The following INPP5A variants were observed in gnomAD, a reference collection of about 807,000 sequenced individuals.
The protein encoded by INPP5A is 43 kDa inositol polyphosphate 5-phophatase.
Under a neutral mutation model 65.2 loss-of-function variants are expected in INPP5A, and 14 were observed. The observed-to-expected ratio is 0.21, with a 90% CI of 0.14 to 0.34. The LOEUF is 0.34. INPP5A is among the 10% of genes least tolerant of loss of function. The pLI, the probability that INPP5A is intolerant of heterozygous loss-of-function variation, is 1.00. For synonymous variants in INPP5A, 207 were observed against 208.3 expected, an observed-to-expected ratio of 0.99 and a Z score of 0.05; for missense variants, 431 against 545.6, an observed-to-expected ratio of 0.79 and a Z score of 2.09.
chr10:132,540,283 T>C (rs1291080979), intron 1 of INPP5A, among the ~76,000 whole-genome samples: 1 of 151,036 alleles, frequency 6.6e-6, no homozygotes, highest in African/African-American at 2.4e-5. Context: ...TATTTATCTC[T>C]GTTGATATTA....
chr10:132,757,708 C>T (rs1846651067), intron 11 of INPP5A, among the ~76,000 whole-genome samples: 1 of 152,234 alleles, frequency 6.6e-6, no homozygotes, highest in East Asian at 1.9e-4. Context: ...AGCCGAGCCC[C>T]ACAGCCCGGC....
intron 2 of INPP5A, among the ~76,000 whole-genome samples, chr10:132,615,220 G>T (rs1043323297): frequency 6.6e-6 from 1 of 152,216 alleles, no homozygotes; most frequent in African/African-American, 2.4e-5. Context: ...GTCTCGTGGC[G>T]GCCCGCAGCC....
chr10:132,680,264 C>A (rs903395184), intron 4 of INPP5A, among the ~76,000 whole-genome samples: 4 of 152,170 alleles, frequency 2.6e-5, no homozygotes, highest in Admixed American at 2.6e-4. Context: ...ACAGCAACAA[C>A]AAAAACCAAC....
intron 2 of INPP5A, among the ~76,000 whole-genome samples, chr10:132,631,690 G>A (rs2072275881): frequency 6.6e-6 from 1 of 152,246 alleles, no homozygotes; most frequent in Admixed American, 6.5e-5. Context: ...GGAACCAGGG[G>A]CCCTTCGTGC....
At chr10:132,717,897 A>C (rs56944046) in intron 8 of INPP5A, among the ~76,000 whole-genome samples, 319 of 116,848 alleles carry the variant, frequency 2.7e-3, no homozygotes, top group African/African-American at 0.012. Context: ...GGCTGTCTTC[A>C]GGGTTCTGTG....
At chr10:132,544,476 C>T (rs150862414) in intron 1 of INPP5A, among the ~76,000 whole-genome samples, 126 of 152,156 alleles carry the variant, frequency 8.3e-4, no homozygotes, top group Middle Eastern at 3.4e-3. Context: ...CCCAAGATCT[C>T]GGTGCACTTT....
intron 1 of INPP5A, among the ~76,000 whole-genome samples, chr10:132,561,763 A>C (rs976536595): frequency 1.2e-4 from 12 of 102,570 alleles, no homozygotes; most frequent in East Asian, 3.4e-4. Flanking sequence ...CACACACACA[A>C]CCCTGCTGGA....
intron 9 of INPP5A, among the ~76,000 whole-genome samples, chr10:132,735,277 C>T (rs1846156388): frequency 6.6e-6 from 1 of 152,230 alleles, no homozygotes; most frequent in South Asian, 2.1e-4. Flanking sequence ...GATCTGTGCC[C>T]TCCTCTGGGG....
At chr10:132,766,388 C>G (rs561233976) in intron 12 of INPP5A, among the ~76,000 whole-genome samples, 1 of 152,310 alleles carries the variant, frequency 6.6e-6, no homozygotes, top group East Asian at 1.9e-4. Flanking sequence ...TGTTATGGAT[C>G]TTTCTGGCAA....
At chr10:132,703,956 CA>C (rs1845489215) in intron 6 of INPP5A, among the ~76,000 whole-genome samples, 1 of 137,452 alleles carries the variant, frequency 7.3e-6, no homozygotes, top group Non-Finnish European at 1.6e-5. Flanking sequence ...CGCGGCTTCA[CA>C]CACACATGCC....
chr10:132,645,877 A>G lies in INPP5A; in HGVS notation c.127A>G (p.Thr43Ala), dbSNP rs748361306. The change falls in exon 3 of 16, where the codon ACA becomes GCA. Residue 43 changes from threonine (T) to alanine (A), a missense_variant. Physicochemically the swap from Thr to Ala is moderately conservative, Grantham distance 58. Coordinates refer to ENST00000368594, the MANE Select transcript of INPP5A (RefSeq NM_005539.5). ...WLREFYQVVH[T>A]HKPHFMALHC... is the part of the protein sequence containing the mutation. ...GCTTCTCTCCCTCCAGGTCGTGCAC[A>G]CACACAAGCCGCACTTCATGGCCTT... 3.1e-6 allele frequency: 5 copies of G among 1,613,442 alleles called. No individual in the cohort carries two copies. Among genetic ancestry groups the G allele is most frequent in the Non-Finnish European group, 3.4e-6 (4 of 1,179,684 alleles).
rs1030025628 is a variant in INPP5A, at chr10:132,644,221, C to T, written c.118-1647C>T. Among the ~76,000 whole-genome samples, 14 of 152,208 alleles carry T rather than the reference C, an allele frequency of 9.2e-5. No homozygotes were observed. Among genetic ancestry groups the T allele is most frequent in the Non-Finnish European group, 1.3e-4 (9 of 68,028 alleles). On this transcript the variant is annotated intron_variant, in intron 2 of 15. Transcript: ENST00000368594. This position sits in a 1 kb window ranked among gnomAD's most constrained non-coding sequence, Gnocchi z 6.5. Reference sequence around the variant, plus strand: ...GCCTCCTGAGTGCCCGGGGAGCCCACGCCCACGCCCAGGAGGGAGGGGCCC... The same window carrying T: ...GCCTCCTGAGTGCCCGGGGAGCCCATGCCCACGCCCAGGAGGGAGGGGCCC...
intron 2 of INPP5A, among the ~76,000 whole-genome samples, chr10:132,626,281 C>T (rs868498485): frequency 7.9e-5 from 12 of 152,250 alleles, no homozygotes; most frequent in Admixed American, 4.6e-4. Context: ...CCAGGTTCGC[C>T]TGGTTAAACA....
intron 3 of INPP5A, among the ~76,000 whole-genome samples, chr10:132,646,318 A>G (rs1024064921): frequency 9.2e-5 from 14 of 152,134 alleles, no homozygotes; most frequent in African/African-American, 3.1e-4. Flanking sequence ...CCCACTGCGC[A>G]GTCTGTCTCA....
chr10:132,608,301 G>T (rs983052084), intron 2 of INPP5A, among the ~76,000 whole-genome samples: 1 of 152,240 alleles, frequency 6.6e-6, no homozygotes, highest in Non-Finnish European at 1.5e-5. Flanking sequence ...TGGCAGCGAG[G>T]CTGGGTGTGC....
chr10:132,685,682 G>A (rs1012740659), intron 4 of INPP5A, among the ~76,000 whole-genome samples: 4 of 152,190 alleles, frequency 2.6e-5, no homozygotes, highest in African/African-American at 7.2e-5. Context: ...GAGTCATCCC[G>A]AGCCTTCCAG....
rs929295593 is a variant in INPP5A at position 132,704,750 on chromosome 10, C to T, written c.475-3563C>T. ...GGACGTGTGGGAGATGGAGGAAGGG[C>T]GTCTAGTCAGGCAGCAGGCAGCTCC... On this transcript the variant is annotated intron_variant, in intron 6 of 15. Transcript: ENST00000368594. The surrounding 1 kb of genome is among the most constrained non-coding windows in gnomAD (Gnocchi z 4.5). Among the ~76,000 whole-genome samples the T allele has an allele frequency of 6.6e-6, 1 of 152,018 alleles. No individual in the cohort carries two copies. The highest frequency in any genetic ancestry group is 1.9e-4 in the East Asian group (1 of 5,174).
Position 132,659,981 on chromosome 10 carries a change from G to C in INPP5A, c.306+9476G>C, listed in dbSNP as rs79290403. Among the ~76,000 whole-genome samples the C allele has an allele frequency of 1.3e-5, 2 of 152,254 alleles. No individual in the cohort carries two copies. The highest frequency in any genetic ancestry group is 2.9e-5 in the Non-Finnish European group (2 of 68,038). On this transcript the variant is annotated intron_variant, in intron 4 of 15. Coordinates refer to ENST00000368594, the MANE Select transcript of INPP5A (RefSeq NM_005539.5). This position sits in a 1 kb window ranked among gnomAD's most constrained non-coding sequence, Gnocchi z 5.5. ...CTCCCTGTGACATGGCACATGACACGTGACACAACACATTCTCATGCTCCG... is the reference window on the plus strand; with the variant it reads ...CTCCCTGTGACATGGCACATGACACCTGACACAACACATTCTCATGCTCCG...
At chr10:132,540,848 G>A (rs1404584772) in intron 1 of INPP5A, among the ~76,000 whole-genome samples, 1 of 152,262 alleles carries the variant, frequency 6.6e-6, no homozygotes, top group Non-Finnish European at 1.5e-5. Flanking sequence ...GCCGGTCACA[G>A]TTCCGAGGAG....
Sources: allele counts gnomAD v4.1 joint callset (sites outside exome capture counted in the v4.1 genomes callset), GRCh38; gene constraint gnomAD v4.1.1; non-coding constraint Gnocchi (gnomAD v3.1); transcripts MANE v1.5; gene names NCBI Gene and HGNC (gene_info 2026-07-23, HGNC 2026-07-21).